SOX5: variants seen among roughly 807,000 people sequenced by gnomAD.
The protein encoded by SOX5 is SRY-box transcription factor 5.
SOX5 carries 9 observed loss-of-function variants against 92.0 expected under a neutral mutation model. That is an observed-to-expected ratio of 0.10 (90% CI 0.06 to 0.17). The LOEUF is 0.17. Ranked by LOEUF, SOX5 falls within the 10% of genes least tolerant of loss-of-function variation. The pLI is 1.00. For synonymous variants in SOX5, 344 were observed against 336.3 expected (o/e 1.02, Z -0.25); for missense variants, 642 against 944.5 (o/e 0.68, Z 4.20).
chr12:23,659,729 T>C (rs1186428816), intron 7 of SOX5, among the ~76,000 whole-genome samples: 2 of 152,042 alleles, frequency 1.3e-5, no homozygotes, highest in South Asian at 4.1e-4. Flanking sequence ...TCCCAGCACT[T>C]TGGGAGGTGG....
chr12:24,408,900 T>C (rs1333307084), intron 1 of SOX5, among the ~76,000 whole-genome samples: 1 of 152,202 alleles, frequency 6.6e-6, no homozygotes, highest in Admixed American at 6.5e-5. Flanking sequence ...AATTCAACCA[T>C]TGTGGAAGAC....
At chr12:24,000,227 G>C (rs912744321) in intron 4 of SOX5, among the ~76,000 whole-genome samples, 1 of 151,440 alleles carries the variant, frequency 6.6e-6, no homozygotes, top group Non-Finnish European at 1.5e-5. Flanking sequence ...TGGTAACTTC[G>C]ATCCGCAGAA....
chr12:23,990,077 AAG>A (rs1174417319), intron 4 of SOX5, among the ~76,000 whole-genome samples: 1 of 152,096 alleles, frequency 6.6e-6, no homozygotes, highest in African/African-American at 2.4e-5. Context: ...AAAAAAGGGA[AAG>A]AGGGAGGGAG....
chr12:24,313,391 A>G lies in SOX5; in HGVS notation c.-173-36079T>C, dbSNP rs1481297961. 2.0e-5 allele frequency among the ~76,000 whole-genome samples: 3 copies of G among 152,128 alleles called. No homozygotes were observed. In the East Asian group the frequency reaches 5.8e-4, roughly 29 times the overall value. On this transcript the variant is annotated intron_variant, in intron 2 of 4. Transcript: ENST00000446891. ...AAAAAATAAAAATTAAAAGCTGGGTATGATGACATGTGCCTGTATTCCCAG... is the reference window on the plus strand; with the variant it reads ...AAAAAATAAAAATTAAAAGCTGGGTGTGATGACATGTGCCTGTATTCCCAG...
intron 1 of SOX5, among the ~76,000 whole-genome samples, chr12:23,933,113 C>A (rs1367273630): frequency 6.6e-6 from 1 of 151,614 alleles, no homozygotes; most frequent in East Asian, 1.9e-4. Context: ...CATTTACCTA[C>A]AGTCAACCAA....
chr12:24,527,575 G>A (rs1241594665), intron 1 of SOX5, among the ~76,000 whole-genome samples: 1 of 152,062 alleles, frequency 6.6e-6, no homozygotes, highest in Non-Finnish European at 1.5e-5. Context: ...TCAGTAAGGA[G>A]GACTCTATTC....
At chr12:23,634,714 C>T (rs1430623625) in intron 8 of SOX5, among the ~76,000 whole-genome samples, 1 of 152,092 alleles carries the variant, frequency 6.6e-6, no homozygotes, top group African/African-American at 2.4e-5. Context: ...TCAACATTAT[C>T]TTAATTAACC....
At chr12:23,822,646 A>G (rs1175681285) in intron 3 of SOX5, among the ~76,000 whole-genome samples, 1 of 152,208 alleles carries the variant, frequency 6.6e-6, no homozygotes, top group Non-Finnish European at 1.5e-5. Context: ...TGCTTGGTCC[A>G]GAGCTAAGTT....
intron 4 of SOX5, among the ~76,000 whole-genome samples, chr12:24,065,867 C>T (rs1006005492): frequency 6.6e-6 from 1 of 152,076 alleles, no homozygotes; most frequent in Non-Finnish European, 1.5e-5. Flanking sequence ...GCTCAACACT[C>T]ACAATTACAA....
At chr12:24,176,787 C>A (rs960260411) in intron 4 of SOX5, among the ~76,000 whole-genome samples, 11 of 152,092 alleles carry the variant, frequency 7.2e-5, no homozygotes, top group Admixed American at 6.5e-4. Flanking sequence ...ACTTAGATGT[C>A]CTGGATTTCC....
At chr12:24,114,527 CAT>C (rs1947751735) in intron 4 of SOX5, among the ~76,000 whole-genome samples, 2 of 113,596 alleles carry the variant, frequency 1.8e-5, no homozygotes, top group Admixed American at 1.3e-4. Context: ...AGTGAGCTAA[CAT>C]TGCACCACTG....
chr12:24,100,517 A>C (rs1271999021), intron 4 of SOX5, among the ~76,000 whole-genome samples: 1 of 152,010 alleles, frequency 6.6e-6, no homozygotes, highest in African/African-American at 2.4e-5. Flanking sequence ...ATTGCTCTTA[A>C]AGGTGATTGC....
chr12:24,358,270 C>G (rs983134142), intron 2 of SOX5, among the ~76,000 whole-genome samples: 3 of 152,162 alleles, frequency 2.0e-5, no homozygotes, highest in African/African-American at 7.2e-5. Flanking sequence ...ATTGCTAAAA[C>G]ATAGCCAGGA....
At chr12:23,674,999 C>T (rs893390598) in intron 6 of SOX5, among the ~76,000 whole-genome samples, 9 of 152,086 alleles carry the variant, frequency 5.9e-5, no homozygotes, top group Middle Eastern at 6.8e-3. Flanking sequence ...GTCGGCTTTG[C>T]CTATTTTGGT....
intron 6 of SOX5, among the ~76,000 whole-genome samples, chr12:23,687,866 T>C (rs1379087950): frequency 7.9e-6 from 1 of 126,178 alleles, no homozygotes; most frequent in Non-Finnish European, 1.6e-5. Context: ...TATTGGGTAG[T>C]GCCAGTTCAC....
chr12:23,650,608 G>A lies in SOX5; in HGVS notation c.932-9711C>T, dbSNP rs534927936. On this transcript the variant is annotated intron_variant, in intron 7 of 14. Transcript: ENST00000451604. Reference sequence around the variant, plus strand: ...TGGGCTGATAGAGAAATTGGTGGGTGCCTTCAAGCTTGGGGGAGCCCCCTG... The same window carrying A: ...TGGGCTGATAGAGAAATTGGTGGGTACCTTCAAGCTTGGGGGAGCCCCCTG... Among the ~76,000 whole-genome samples the A allele has an allele frequency of 5.9e-5, 9 of 152,196 alleles. No individual in the cohort carries two copies. In the East Asian group the frequency reaches 1.2e-3, roughly 20 times the overall value.
chr12:24,291,891 G>T (rs1424231955), intron 2 of SOX5, among the ~76,000 whole-genome samples: 1 of 152,210 alleles, frequency 6.6e-6, no homozygotes, highest in Non-Finnish European at 1.5e-5. Flanking sequence ...AAGCACTGTG[G>T]TTGCCAGAGA....
At chr12:23,773,772 C>A (rs1171461069) in intron 3 of SOX5, among the ~76,000 whole-genome samples, 1 of 151,488 alleles carries the variant, frequency 6.6e-6, no homozygotes, top group Non-Finnish European at 1.5e-5. Flanking sequence ...TACAAAGACA[C>A]CAGTCAAAAA....
In SOX5 at chr12:24,281,826, T is replaced by C. The variant is rs142705634; in HGVS notation, c.-173-4514A>G. 6.6e-5 allele frequency among the ~76,000 whole-genome samples: 10 copies of C among 152,294 alleles called. No individual in the cohort carries two copies. The East Asian group carries it at 1.2e-3, about 18-fold the overall frequency. On this transcript the variant is annotated intron_variant, in intron 2 of 4. Coordinates refer to the SOX5 transcript ENST00000446891. ...CTCTTTGATAATGAAAAGGCTAAAG[T>C]ACTCTTGACACAGAACAGCTAGCTA...
Sources: gnomAD v4.1 joint callset for allele counts (sites outside exome capture counted in the v4.1 genomes callset) on GRCh38, gnomAD v4.1.1 for gene constraint, MANE v1.5 for transcripts, NCBI Gene and HGNC (gene_info 2026-07-23, HGNC 2026-07-21) for gene names.